ZNF268: variants seen among roughly 807,000 people sequenced by gnomAD.
ZNF268 encodes the protein zinc finger protein 268.
A neutral mutation model predicts 29.3 loss-of-function variants in ZNF268; 20 were observed. The ratio of observed to expected loss-of-function variants is 0.68; its 90% CI spans 0.48 to 0.99. ZNF268 has a LOEUF of 0.99. Ranked by LOEUF, ZNF268 falls within the 50% of genes least tolerant of loss-of-function variation. The pLI is 0.00. For missense variants in ZNF268, 1,240 were observed against 1,121.6 expected (o/e 1.11, Z -1.51); for synonymous variants, 429 against 376.9 (o/e 1.14, Z -1.60).
rs759544406 is a variant in ZNF268, at chr12:133,211,950, C to T, written c.*7420C>T. 2.6e-5 allele frequency: 4 copies of T among 152,158 alleles called. No homozygotes were observed. Among genetic ancestry groups the T allele is most frequent in the African/African-American group, 4.8e-5 (2 of 41,420 alleles). 9.4% of individuals were successfully genotyped at this position (152,158 alleles called of 1,614,324 possible). On this transcript the variant is annotated 3_prime_UTR_variant, in exon 6 of 6. Transcript: ENST00000536435. ...TCACGTACAGCAGCTCTTTTCATAA[C>T]AGACAAATACTTTAAGGAATCAGGA...
At chr12:133,193,383 ATAGAC>A (rs771066958) in intron 5 of ZNF268, 127 of 606,996 alleles carry the variant, frequency 2.1e-4, no homozygotes, top group Non-Finnish European at 2.1e-4. Context: ...ATAAAATACT[ATAGAC>A]TAGGTAATTT....
Position 133,202,153 on chromosome 12 carries a change from G to T in ZNF268, c.467G>T (p.Trp156Leu). 1 of 1,579,602 alleles carries T rather than the reference G, an allele frequency of 6.3e-7. No individual in the cohort carries two copies. Among genetic ancestry groups the T allele is most frequent in the South Asian group, 1.2e-5 (1 of 86,076 alleles). ...VPNQTCPNTV[W>L]KIDDLMDWHQ... ...TTGTTCTCATTTCTAGACACAGTCT[G>T]GAAAATTGATGATCTTATGGATTGG... is the stretch of plus-strand genomic sequence containing the variant. The change falls in exon 6 of 6, where the codon TGG becomes TTG. Residue 156 changes from tryptophan (W) to leucine (L), a missense_variant. Coordinates refer to ENST00000536435, the MANE Select transcript of ZNF268 (RefSeq NM_003415.3).
chr12:133,185,790 A>G (rs1253377235), intron 2 of ZNF268, among the ~76,000 whole-genome samples: 2 of 152,210 alleles, frequency 1.3e-5, no homozygotes, highest in Non-Finnish European at 2.9e-5. Context: ...AAGAGGTAGC[A>G]GGGATTTTGT....
intron 2 of ZNF268, among the ~76,000 whole-genome samples, chr12:133,186,095 C>G (rs1376426738): frequency 2.0e-5 from 3 of 152,116 alleles, no homozygotes; most frequent in Non-Finnish European, 4.4e-5. Flanking sequence ...TACTGTTTTT[C>G]TCCTTTGATG....
In ZNF268 at chr12:133,210,579, TGTG is replaced by T; in HGVS notation, c.*6050_*6052del. ...TGGAGAAGGAAGCTCTGGTTCTCAG[TGTG>T]ATGCATCCCCCAGGTTGGTCCTGAG... On this transcript the variant is annotated 3_prime_UTR_variant, in exon 6 of 6. Transcript: ENST00000536435. 3.3e-6 allele frequency: 1 copy of T among 307,628 alleles called. No homozygotes were observed. The highest frequency in any genetic ancestry group is 2.9e-5 in the South Asian group (1 of 35,050). 19.1% of individuals were successfully genotyped at this position (307,628 alleles called of 1,614,324 possible).
In ZNF268 at chr12:133,204,034, G is replaced by C; in HGVS notation, c.2348G>C (p.Ser783Thr). The change falls in exon 6 of 6, where the codon AGT (serine) becomes ACT (threonine). Residue 783 changes from serine (S) to threonine (T), a missense_variant. By Grantham distance (58) the Ser-to-Thr change is moderately conservative. Coordinates refer to ENST00000536435, the MANE Select transcript of ZNF268 (RefSeq NM_003415.3). ...GCAGGGGAAAAGCCTTATGGGTGCA[G>C]TGAATGTGGGAAAGCTTTTAGCAGC... Reference protein sequence around the residue: ...THAGEKPYGCSECGKAFSSKS... With the variant: ...THAGEKPYGCTECGKAFSSKS... The C allele has an allele frequency of 1.9e-6, 3 of 1,571,410 alleles. No homozygotes were observed. The highest frequency in any genetic ancestry group is 2.6e-6 in the Non-Finnish European group (3 of 1,161,544).
chr12:133,191,441 C>T, intron 3 of ZNF268, 48 bp from the exon 4 acceptor site: 1 of 1,611,660 alleles, frequency 6.2e-7, no homozygotes, highest in South Asian at 1.1e-5. Context: ...TAGTTTTCCA[C>T]AAACCTAGTA....
intron 3 of ZNF268, among the ~76,000 whole-genome samples, chr12:133,188,917 A>C (rs1036636644): frequency 6.6e-6 from 1 of 151,984 alleles, no homozygotes. Flanking sequence ...CTGGATTGCA[A>C]ATTTTTTTAT....
At chr12:133,182,529 G>C (rs1956203390) in intron 2 of ZNF268, among the ~76,000 whole-genome samples, 1 of 152,138 alleles carries the variant, frequency 6.6e-6, no homozygotes, top group Non-Finnish European at 1.5e-5. Context: ...GTTAATGAGT[G>C]CTCTGGGAGC....
At chr12:133,191,098 C>A (rs1475664155) in intron 3 of ZNF268, among the ~76,000 whole-genome samples, 1 of 152,090 alleles carries the variant, frequency 6.6e-6, no homozygotes, top group Non-Finnish European at 1.5e-5. Context: ...GGGCAGATCA[C>A]AAAGTCAGGA....
intron 3 of ZNF268, 80 bp from the exon 4 acceptor site, chr12:133,191,409 A>G (rs530043667): frequency 1.3e-5 from 20 of 1,551,924 alleles, no homozygotes; most frequent in Non-Finnish European, 1.5e-5. Flanking sequence ...GTTAAACATA[A>G]ATAATGGACA....
intron 2 of ZNF268, among the ~76,000 whole-genome samples, chr12:133,186,517 G>A (rs1330723013): frequency 1.3e-5 from 2 of 151,946 alleles, no homozygotes; most frequent in Non-Finnish European, 2.9e-5. Flanking sequence ...GGGGCTACAG[G>A]TGTACGCTGC....
chr12:133,184,726 CTT>C, intron 2 of ZNF268: 1 of 450,994 alleles, frequency 2.2e-6, no homozygotes, highest in Non-Finnish European at 4.5e-6. Context: ...AAGTGGTTCT[CTT>C]GCCTCAGCCT....
At position 133,203,002 on chromosome 12, in the gene ZNF268, C is replaced by T. The variant is rs1284688352; in HGVS notation, c.1316C>T (p.Thr439Ile). ...CTTATGGTACATCAGAGAACCCATA[C>T]AGGGGAGAAACCTTATGTTTGTAGT... Reference protein sequence around the residue: ...SNLMVHQRTHTGEKPYVCSDC... With the variant: ...SNLMVHQRTHIGEKPYVCSDC... The change falls in exon 6 of 6, where the codon ACA becomes ATA. Residue 439 changes from threonine to isoleucine, a missense_variant. By Grantham distance (89) the Thr-to-Ile change is moderately conservative. Transcript: ENST00000536435. 1.3e-6 allele frequency: 2 copies of T among 1,548,302 alleles called. No individual in the cohort carries two copies. Among genetic ancestry groups the T allele is most frequent in the Admixed American group, 3.9e-5 (2 of 51,668 alleles).
intron 3 of ZNF268, among the ~76,000 whole-genome samples, chr12:133,189,846 C>T (rs1228650147): frequency 1.3e-5 from 2 of 152,148 alleles, no homozygotes; most frequent in South Asian, 2.1e-4. Context: ...CTCGCTCTGT[C>T]GCCTAGGCTG....
intron 5 of ZNF268, among the ~76,000 whole-genome samples, chr12:133,201,075 A>G (rs1163715979): frequency 6.6e-6 from 1 of 152,090 alleles, no homozygotes; most frequent in Non-Finnish European, 1.5e-5. Flanking sequence ...ATGCAAGTAT[A>G]CAGTGATTTA....
intron 5 of ZNF268, 104 bp downstream of exon 5, chr12:133,192,107 C>CT (rs200581552): frequency 0.094 from 49,943 of 529,008 alleles, 66 homozygotes; most frequent in East Asian, 0.15. Context: ...TTACCATGCA[C>CT]TTTTTTTTTT....
Position 133,183,841 on chromosome 12 carries a change from C to T in ZNF268, c.33+1811C>T, listed in dbSNP as rs112794578. Reference sequence around the variant, plus strand: ...AAAGCAGGGGAAGAGGTGTTGAAGACTGAGATGGAACCCAAGAAAAGTAAG... The same window carrying T: ...AAAGCAGGGGAAGAGGTGTTGAAGATTGAGATGGAACCCAAGAAAAGTAAG... On this transcript the variant is annotated intron_variant, in intron 2 of 5. Transcript: ENST00000536435. Among the ~76,000 whole-genome samples, 606 of 152,230 alleles carry T rather than the reference C, an allele frequency of 4.0e-3. 4 individuals are homozygous for T. The highest frequency in any genetic ancestry group is 0.014 in the African/African-American group (583 of 41,532).
Position 133,204,816 on chromosome 12 carries a change from T to G in ZNF268, c.*286T>G, listed in dbSNP as rs1593934194. 3.4e-6 allele frequency: 1 copy of G among 291,250 alleles called. No individual in the cohort carries two copies. The highest frequency in any genetic ancestry group is 5.8e-5 in the East Asian group (1 of 17,108). The allele number at this position is 291,250 out of a possible 1,614,324, so 18.0% of individuals were successfully genotyped here. A position where few individuals can be genotyped will look rare whatever the true frequency, so the allele number is the denominator to read the frequency against. On this transcript the variant is annotated 3_prime_UTR_variant, in exon 6 of 6. Coordinates refer to ENST00000536435, the MANE Select transcript of ZNF268 (RefSeq NM_003415.3). ...AGTTCATACAGGTGAGGAACCATGT[T>G]AAACGTTGTAAAGTCATTTTACTAA...
Sources: gnomAD v4.1 joint callset for allele counts (sites outside exome capture counted in the v4.1 genomes callset) on GRCh38, gnomAD v4.1.1 for gene constraint, MANE v1.5 for transcripts, NCBI Gene and HGNC (gene_info 2026-07-23, HGNC 2026-07-21) for gene names.